The following GPHN variants were observed in gnomAD, a reference collection of about 807,000 sequenced individuals.
GPHN encodes the protein gephyrin.
In GPHN, 17 loss-of-function variants were observed where a neutral mutation model predicts 95.5. That is an observed-to-expected ratio of 0.18 (90% confidence interval 0.12 to 0.27). The LOEUF is 0.27. Ranked by LOEUF, GPHN falls within the 10% of genes least tolerant of loss-of-function variation. The probability of loss-of-function intolerance (pLI) is 1.00; values close to 1 mark genes in which losing one functional copy is unlikely to be tolerated. For synonymous variants in GPHN, 320 were observed against 322.5 expected, an observed-to-expected ratio of 0.99 and a Z score of 0.08; for missense variants, 660 against 978.1, an observed-to-expected ratio of 0.67 and a Z score of 4.34.
chr14:67,203,758 G>A, the GPHN span, among the ~76,000 whole-genome samples: 1 of 152,162 alleles, frequency 6.6e-6, no homozygotes, highest in African/African-American at 2.4e-5. Context: ...TGTCACCCAG[G>A]CTGGAGTGCA....
At chr14:67,584,328 C>A in the GPHN span, among the ~76,000 whole-genome samples, 115 of 152,280 alleles carry the variant, frequency 7.6e-4, no homozygotes, top group African/African-American at 2.7e-3. Flanking sequence ...TTGTTGACTG[C>A]CCCAAAAGAA....
chr14:66,951,210 C>G (rs897177415), intron 8 of GPHN, among the ~76,000 whole-genome samples: 1 of 151,840 alleles, frequency 6.6e-6, no homozygotes, highest in Non-Finnish European at 1.5e-5. Flanking sequence ...AAGTGGTGTG[C>G]GTGTGTTTAA....
Position 67,181,038 on chromosome 14 carries a change from T to TTGATCTGTA in GPHN, c.*103_*111dup, listed in dbSNP as rs1378373561. ...CTAGTTTTCCCGATTTGGATAAAAGTTGATCTGTATAGTCAACATCTTGAA... is the reference window on the plus strand; with the variant it reads ...CTAGTTTTCCCGATTTGGATAAAAGTTGATCTGTATGATCTGTATAGTCAACATCTTGAA... On this transcript the variant is annotated 3_prime_UTR_variant, in exon 23 of 23. Transcript: ENST00000478722. The TTGATCTGTA allele has an allele frequency of 2.9e-5, 31 of 1,080,896 alleles. No individual in the cohort carries two copies. The highest frequency in any genetic ancestry group is 3.8e-5 in the Non-Finnish European group (27 of 705,198). The allele number at this position is 1,080,896 out of a possible 1,614,324, so 67.0% of individuals were successfully genotyped here.
the GPHN span, chr14:67,663,168 T>C: frequency 2.2e-5 from 33 of 1,533,074 alleles, no homozygotes; most frequent in Non-Finnish European, 2.8e-5. Flanking sequence ...GTATCTTTAA[T>C]ACCTAAAAAT....
intron 4 of GPHN, among the ~76,000 whole-genome samples, chr14:66,873,200 A>G (rs1293115081): frequency 6.6e-6 from 1 of 152,148 alleles, no homozygotes; most frequent in Non-Finnish European, 1.5e-5. Flanking sequence ...CCCCTTGCCA[A>G]GGGAAGCCAT....
At chr14:66,924,147 A>G in intron 7 of GPHN, 47 bp from the exon 8 acceptor site, 3 of 1,030,098 alleles carry the variant, frequency 2.9e-6, no homozygotes, top group Non-Finnish European at 4.6e-6. Context: ...GTATAGTTTC[A>G]TGTTTTCCTG....
intron 9 of GPHN, among the ~76,000 whole-genome samples, chr14:67,014,997 T>C (rs1017772843): frequency 2.0e-5 from 3 of 152,194 alleles, no homozygotes; most frequent in Non-Finnish European, 2.9e-5. Context: ...ACATTTAACA[T>C]TGATGCTTAA....
At chr14:67,474,780 T>A in the GPHN span, among the ~76,000 whole-genome samples, 1 of 152,206 alleles carries the variant, frequency 6.6e-6, no homozygotes, top group Non-Finnish European at 1.5e-5. Flanking sequence ...ATTTGACTAC[T>A]CTGGGTGCCT....
chr14:67,572,029 C>A, the GPHN span: 2 of 1,478,764 alleles, frequency 1.4e-6, no homozygotes, highest in East Asian at 4.9e-5. Context: ...CCACCCCCAG[C>A]CCCAGAGACC....
intron 1 of GPHN, among the ~76,000 whole-genome samples, chr14:66,569,017 T>A (rs1456695099): frequency 6.6e-6 from 1 of 152,168 alleles, no homozygotes; most frequent in Non-Finnish European, 1.5e-5. Context: ...TGTTGTATAC[T>A]GTAACTAAAT....
the GPHN span, chr14:67,571,577 G>A: frequency 1.0e-5 from 6 of 588,302 alleles, no homozygotes; most frequent in African/African-American, 7.4e-5. Context: ...GAAGCATGGA[G>A]GTCATGACAC....
chr14:66,628,024 G>A (rs1437384198), intron 1 of GPHN, among the ~76,000 whole-genome samples: 1 of 152,102 alleles, frequency 6.6e-6, no homozygotes, highest in Non-Finnish European at 1.5e-5. Context: ...CCTAAAAAGA[G>A]TCAGTCAGCT....
At chr14:67,194,129 G>A in the GPHN span, among the ~76,000 whole-genome samples, 6 of 151,616 alleles carry the variant, frequency 4.0e-5, no homozygotes, top group South Asian at 2.1e-4. Context: ...TTGGGAGGCC[G>A]AGGTGGGCAG....
At chr14:67,540,736 T>G in the GPHN span, among the ~76,000 whole-genome samples, 4 of 152,210 alleles carry the variant, frequency 2.6e-5, no homozygotes, top group Non-Finnish European at 5.9e-5. Context: ...TTTATACTTT[T>G]TGGGAAGCAT....
At chr14:67,085,293 G>T (rs1728201024) in intron 11 of GPHN, among the ~76,000 whole-genome samples, 1 of 152,158 alleles carries the variant, frequency 6.6e-6, no homozygotes, top group Non-Finnish European at 1.5e-5. Context: ...TAAGATATAT[G>T]AACAACTCAG....
At chr14:67,345,375 G>A in the GPHN span, among the ~76,000 whole-genome samples, 4 of 152,128 alleles carry the variant, frequency 2.6e-5, no homozygotes, top group African/African-American at 9.7e-5. Flanking sequence ...TGACAAACAT[G>A]GCAAAACCCT....
At chr14:66,677,613 C>CAGG in intron 1 of GPHN, among the ~76,000 whole-genome samples, 1 of 152,042 alleles carries the variant, frequency 6.6e-6, no homozygotes, top group East Asian at 1.9e-4. Flanking sequence ...TTACTAATTT[C>CAGG]TAGTTTTACT....
the GPHN span, chr14:67,613,961 G>T: frequency 1.3e-5 from 2 of 152,306 alleles, no homozygotes; most frequent in East Asian, 1.9e-4. Context: ...TTGAGACAGG[G>T]TCTCTCTCTG....
chr14:67,600,237 G>C, the GPHN span: 3 of 1,506,852 alleles, frequency 2.0e-6, no homozygotes, highest in Admixed American at 4.2e-5. Context: ...ACCGCGCGGC[G>C]CTGCACTGCG....
Sources: allele counts gnomAD v4.1 joint callset (sites outside exome capture counted in the v4.1 genomes callset), GRCh38; gene constraint gnomAD v4.1.1; transcripts MANE v1.5; gene names NCBI Gene and HGNC (gene_info 2026-07-23, HGNC 2026-07-21).